Variants in FAR2 observed in about 807,000 individuals in gnomAD.
FAR2 encodes the protein epididymis secretory protein Li 81.
FAR2 carries 19 observed loss-of-function variants against 56.0 expected under a neutral mutation model. The observed-to-expected ratio is 0.34, with a 90% confidence interval of 0.24 to 0.50. FAR2 has a LOEUF of 0.50. FAR2 is among the 20% of genes least tolerant of loss of function. The pLI, the probability that FAR2 is intolerant of heterozygous loss-of-function variation, is 0.98. For synonymous variants in FAR2, 219 were observed against 218.8 expected, an observed-to-expected ratio of 1.00 and a Z score of -0.01; for missense variants, 508 against 642.2, an observed-to-expected ratio of 0.79 and a Z score of 2.26.
At position 29,293,365 on chromosome 12, in the gene FAR2, T is replaced by A; in HGVS notation, c.255T>A (p.Asp85Glu). The change falls in exon 3 of 12, where the codon GAT (aspartate) becomes GAA (glutamate). Residue 85 changes from aspartate to glutamate, a missense_variant. By Grantham distance (45) the Asp-to-Glu change is conservative. Transcript: ENST00000536681. ...AGAAGATCAGAGCTATTTATGCAGA[T>A]CTCAATCAGAATGACTTTGCCATCA... ...VHEKIRAIYA[D>E]LNQNDFAISK... 1 of 1,612,600 alleles carries A rather than the reference T, an allele frequency of 6.2e-7. No individual in the cohort carries two copies. Among genetic ancestry groups the A allele is most frequent in the Non-Finnish European group, 8.5e-7 (1 of 1,179,504 alleles).
rs143213052 is a variant in FAR2, at chr12:29,217,984, A to AGAGGAGGAGGAGGAGGAG, written c.-38-52422_-38-52405dup. ...AATGGAATTCTGAAGAAGAAGACAAAGAGGAGGAGGAGGAGGAGGAGGAAG... is the reference window on the plus strand; with the variant it reads ...AATGGAATTCTGAAGAAGAAGACAAAGAGGAGGAGGAGGAGGAGGAGGAGGAGGAGGAGGAGGAGGAAG... On this transcript the variant is annotated intron_variant, in intron 1 of 11. Transcript: ENST00000536681. Among the ~76,000 whole-genome samples the AGAGGAGGAGGAGGAGGAG allele has an allele frequency of 6.6e-3, 1,002 of 151,352 alleles. 3 individuals are homozygous for AGAGGAGGAGGAGGAGGAG. The highest frequency in any genetic ancestry group is 0.027 in the Middle Eastern group (8 of 294).
intron 2 of FAR2, chr12:29,277,781 T>C (rs1948723693): frequency 6.6e-6 from 1 of 152,192 alleles, no homozygotes; most frequent in Non-Finnish European, 1.5e-5. Flanking sequence ...TATCTGACTA[T>C]GTAAGGCAAA....
chr12:29,302,451 G>A (rs548064915), intron 4 of FAR2, among the ~76,000 whole-genome samples: 3 of 152,174 alleles, frequency 2.0e-5, no homozygotes, highest in Admixed American at 6.5e-5. Context: ...ACACGTGCCT[G>A]GCAGGGCAGC....
At chr12:29,187,711 A>C (rs113852872) in intron 1 of FAR2, among the ~76,000 whole-genome samples, 1 of 152,338 alleles carries the variant, frequency 6.6e-6, no homozygotes, top group Non-Finnish European at 1.5e-5. Flanking sequence ...AGAGTTGTGT[A>C]ATCTGGACAA....
chr12:29,236,002 C>T (rs2136657758), intron 1 of FAR2, among the ~76,000 whole-genome samples: 1 of 152,186 alleles, frequency 6.6e-6, no homozygotes, highest in South Asian at 2.1e-4. Context: ...GTATGATTAA[C>T]AATATTGTAA....
chr12:29,276,909 A>T (rs1859123475), intron 2 of FAR2, among the ~76,000 whole-genome samples: 1 of 151,216 alleles, frequency 6.6e-6, no homozygotes, highest in Non-Finnish European at 1.5e-5. Flanking sequence ...GTGCCACTGC[A>T]CTCCAGCCTG....
chr12:29,224,265 G>A (rs947623895), intron 1 of FAR2, among the ~76,000 whole-genome samples: 2 of 152,188 alleles, frequency 1.3e-5, no homozygotes, highest in Admixed American at 1.3e-4. Flanking sequence ...GGGTTGGAAG[G>A]ATGGATGGAG....
chr12:29,221,751 G>A (rs893591838), intron 1 of FAR2, among the ~76,000 whole-genome samples: 4 of 152,128 alleles, frequency 2.6e-5, no homozygotes, highest in Non-Finnish European at 4.4e-5. Context: ...TAGAAAATGA[G>A]CTCGCTTTAG....
chr12:29,262,876 A>G (rs1948446119), intron 1 of FAR2, among the ~76,000 whole-genome samples: 1 of 152,132 alleles, frequency 6.6e-6, no homozygotes, highest in Admixed American at 6.5e-5. Context: ...AAAAAACAAG[A>G]CCTCATGATC....
chr12:29,153,777 T>C (rs556833994), intron 1 of FAR2, among the ~76,000 whole-genome samples: 2 of 152,102 alleles, frequency 1.3e-5, no homozygotes, highest in South Asian at 2.1e-4. Context: ...TGGATTGACA[T>C]GTCTTGGTGA....
chr12:29,205,963 T>TTAA (rs1342950878), intron 1 of FAR2, among the ~76,000 whole-genome samples: 2 of 152,222 alleles, frequency 1.3e-5, no homozygotes, highest in African/African-American at 4.8e-5. Flanking sequence ...GAATTATGTC[T>TTAA]TAATGGTAGC....
chr12:29,217,221 G>C (rs1947632137), intron 1 of FAR2, among the ~76,000 whole-genome samples: 1 of 152,198 alleles, frequency 6.6e-6, no homozygotes, highest in Non-Finnish European at 1.5e-5. Flanking sequence ...TTCTAGATGG[G>C]TGAATGCTAG....
chr12:29,195,779 G>A (rs1290790551), intron 1 of FAR2, among the ~76,000 whole-genome samples: 1 of 152,090 alleles, frequency 6.6e-6, no homozygotes, highest in Non-Finnish European at 1.5e-5. Context: ...GCATAGCAGT[G>A]AGGTCTGGGC....
At chr12:29,280,617 A>G (rs958056318) in intron 2 of FAR2, 1 of 152,206 alleles carries the variant, frequency 6.6e-6, no homozygotes, top group African/African-American at 2.4e-5. Flanking sequence ...TACAAATGAA[A>G]TTTGATTCTC....
chr12:29,241,895 C>T (rs1250862599), intron 1 of FAR2, among the ~76,000 whole-genome samples: 1 of 152,144 alleles, frequency 6.6e-6, no homozygotes, highest in Non-Finnish European at 1.5e-5. Flanking sequence ...GTGCGTGCAT[C>T]GAAGCTGTGA....
chr12:29,259,808 CTTT>C (rs1460592562), intron 1 of FAR2, among the ~76,000 whole-genome samples: 1 of 152,112 alleles, frequency 6.6e-6, no homozygotes, highest in Non-Finnish European at 1.5e-5. Context: ...TCTCTTTTTT[CTTT>C]TTTTCATTCA....
intron 1 of FAR2, chr12:29,151,518 T>G (rs1169120553): frequency 1.3e-5 from 2 of 152,200 alleles, no homozygotes; most frequent in Non-Finnish European, 2.9e-5. Flanking sequence ...GGAAGGGCCC[T>G]GCGTTTGGTA....
At chr12:29,321,968 T>C in intron 10 of FAR2, 44 bp downstream of exon 10, 2 of 1,568,356 alleles carry the variant, frequency 1.3e-6, no homozygotes, top group Non-Finnish European at 1.7e-6. Context: ...TGCTACTCAC[T>C]TGGAATTTAG....
At chr12:29,188,459 A>G (rs1005004056) in intron 1 of FAR2, among the ~76,000 whole-genome samples, 3 of 141,010 alleles carry the variant, frequency 2.1e-5, no homozygotes, top group African/African-American at 9.5e-5. Context: ...ATAATTTGAT[A>G]ATTTGGGGAT....
Sources: gnomAD v4.1 joint callset for allele counts (sites outside exome capture counted in the v4.1 genomes callset) on GRCh38, gnomAD v4.1.1 for gene constraint, MANE v1.5 for transcripts, NCBI Gene and HGNC (gene_info 2026-07-23, HGNC 2026-07-21) for gene names.